Variants in DNMT1 observed in about 807,000 individuals in gnomAD.
DNMT1 encodes the protein DNA (cytosine-5)-methyltransferase 1.
DNMT1 carries 24 observed loss-of-function variants against 205.3 expected under a neutral mutation model. The observed-to-expected ratio is 0.12, with a 90% CI of 0.08 to 0.16. The LOEUF is 0.16. DNMT1 is among the 10% of genes least tolerant of loss of function. The pLI is 1.00. For synonymous variants in DNMT1, 817 were observed against 839.8 expected (o/e 0.97, Z 0.47); for missense variants, 1,293 against 2,177.7 (o/e 0.59, Z 8.09).
In DNMT1 at chr19:10,163,348, G is replaced by C; in HGVS notation, c.904C>G (p.His302Asp). ...EDGDEKDEKKHRSQPKDLAAK... is the reference protein window; with the variant it reads ...EDGDEKDEKKDRSQPKDLAAK... The stretch of plus-strand genomic sequence containing the variant: ...TACAGATCTTTGGGTTGACTTCTGT[G>C]CTTCTTCTCATCCTGACAGAAAAAT... Residue 302 changes from histidine to aspartate, a missense_variant, in exon 12 of 41, where the codon CAC becomes GAC. Around this residue, in one of 13 missense-constraint regions of DNMT1, gnomAD observed 394 missense variants for 451.6 expected, o/e 0.87. Transcript: ENST00000359526. 2.5e-6 allele frequency: 4 copies of C among 1,613,944 alleles called. No homozygotes were observed. The highest frequency in any genetic ancestry group is 3.4e-6 in the Non-Finnish European group (4 of 1,179,944).
chr19:10,181,980 A>G (rs1198391835), intron 2 of DNMT1, 61 bp downstream of exon 2: 22 of 1,459,316 alleles, frequency 1.5e-5, no homozygotes, highest in Non-Finnish European at 1.9e-5. Context: ...ATTTCTTTTT[A>G]TGAGCCACAA....
rs2089518343 is a variant in DNMT1 at position 10,137,731 on chromosome 19, T to C, written c.4293+101A>G. ...AGGACTCGGGAGGAGGAGCCTGGGA[T>C]CAGATTCCATGTCTCCCCTGAGTCT... On this transcript the variant is annotated intron_variant, in intron 36 of 40. Coordinates refer to ENST00000359526, the MANE Select transcript of DNMT1 (RefSeq NM_001130823.3). This position sits in a 1 kb window ranked among gnomAD's most constrained non-coding sequence, Gnocchi z 6.4. 1 of 1,470,108 alleles carries C rather than the reference T, an allele frequency of 6.8e-7. No individual in the cohort carries two copies. Among genetic ancestry groups the C allele is most frequent in the African/African-American group, 1.4e-5 (1 of 71,506 alleles). 91.1% of individuals were successfully genotyped at this position (1,470,108 alleles called of 1,614,324 possible). A position where few individuals can be genotyped will look rare whatever the true frequency, so the allele number is the denominator to read the frequency against.
rs766253182 is a variant in DNMT1, at chr19:10,135,717, C to T, written c.4773+19G>A. On this transcript the variant is annotated intron_variant, in intron 39 of 40. Coordinates refer to ENST00000359526, the MANE Select transcript of DNMT1 (RefSeq NM_001130823.3). ...AAGCCTCCTTCCTGTCCAGACCCAG[C>T]GGGCGCCGCCCCACTGACCTGCCGG... The T allele has an allele frequency of 6.2e-6, 10 of 1,602,366 alleles. No homozygotes were observed. The highest frequency in any genetic ancestry group is 5.6e-5 in the South Asian group (5 of 89,784).
chr19:10,177,417 A>C (rs371302588), intron 5 of DNMT1, 50 bp from the exon 6 acceptor site: 2 of 1,562,416 alleles, frequency 1.3e-6, no homozygotes, highest in African/African-American at 2.7e-5. Context: ...GCCACTATCA[A>C]TAGAAAGCCC....
chr19:10,141,324 G>A, intron 30 of DNMT1, 135 bp from the exon 31 acceptor site: 1 of 830,930 alleles, frequency 1.2e-6, no homozygotes, highest in Non-Finnish European at 2.0e-6. Context: ...CCACCAATAA[G>A]AGTAGTTTGA....
chr19:10,135,949 A>G (rs2089472019), intron 38 of DNMT1, 97 bp from the exon 39 acceptor site: 2 of 1,495,326 alleles, frequency 1.3e-6, no homozygotes, highest in Admixed American at 3.9e-5. Context: ...GCATACGGCC[A>G]TGGCCTTGGC....
At chr19:10,155,202 A>G (rs2038431493) in intron 19 of DNMT1, 146 bp from the exon 20 acceptor site, 2 of 1,129,750 alleles carry the variant, frequency 1.8e-6, no homozygotes, top group Admixed American at 2.2e-5. Flanking sequence ...GGCACAACAC[A>G]TCATAGCTGG....
intron 11 of DNMT1, 63 bp downstream of exon 11, chr19:10,166,535 C>T (rs900494581): frequency 6.2e-7 from 1 of 1,605,482 alleles, no homozygotes; most frequent in Non-Finnish European, 8.5e-7. Flanking sequence ...CTGCGCACTC[C>T]CGCCCAAGCA....
rs780223552 is a variant in DNMT1, at chr19:10,156,494, G to A, written c.1296C>T (p.His432=). 21 of 1,612,914 alleles carry A rather than the reference G, an allele frequency of 1.3e-5. No individual in the cohort carries two copies. Among genetic ancestry groups the A allele is most frequent in the African/African-American group, 1.2e-4 (9 of 74,874 alleles). The change falls in exon 18 of 41, where the codon CAC becomes CAT. Residue 432 remains histidine (H), a synonymous_variant. Transcript: ENST00000359526. The surrounding 1 kb of genome is among the most constrained non-coding windows in gnomAD (Gnocchi z 4.2). ...KLTCFSVYCK[H]GHLCPIDTGL... is the part of the protein sequence containing the mutation. ...CGGTGTCGATGGGACACAGGTGACCGTGCTTACAGTACACACTAGACAGGA... is the reference window on the plus strand; with the variant it reads ...CGGTGTCGATGGGACACAGGTGACCATGCTTACAGTACACACTAGACAGGA...
At position 10,145,223 on chromosome 19, in the gene DNMT1, C is replaced by G. The variant is rs148121719; in HGVS notation, c.2894+1128G>C. 7.2e-5 allele frequency among the ~76,000 whole-genome samples: 11 copies of G among 152,322 alleles called. No homozygotes were observed. In the East Asian group the frequency reaches 2.1e-3, roughly 29 times the overall value. On this transcript the variant is annotated intron_variant, in intron 28 of 40. Transcript: ENST00000359526. Reference sequence around the variant, plus strand: ...GTCACGTTCTCCCCACTAGGCCCCCCAGGAGTCTGACGGGCCCCAAAGGCG... The same window carrying G: ...GTCACGTTCTCCCCACTAGGCCCCCGAGGAGTCTGACGGGCCCCAAAGGCG...
intron 11 of DNMT1, among the ~76,000 whole-genome samples, chr19:10,165,101 A>G (rs1375485051): frequency 6.6e-6 from 1 of 151,740 alleles, no homozygotes; most frequent in East Asian, 1.9e-4. Flanking sequence ...CCCTATCTCT[A>G]CAAAAAATTA....
Position 10,151,450 on chromosome 19 carries a change from T to C in DNMT1, c.2213A>G (p.Lys738Arg). Reference sequence around the variant, plus strand: ...GCGATTCTTGTTCTGTTTCTTCTTCTTCCCCTGGTGCATTTTTTTGGGTGA... The same window carrying C: ...GCGATTCTTGTTCTGTTTCTTCTTCCTCCCCTGGTGCATTTTTTTGGGTGA... ...MPSPKKMHQG[K>R]KKKQNKNRIS... Residue 738 changes from lysine to arginine, a missense_variant, in exon 24 of 41, where the codon AAG becomes AGG. Around this residue, in one of 13 missense-constraint regions of DNMT1, gnomAD observed 197 missense variants for 353.6 expected, o/e 0.56. Transcript: ENST00000359526. The surrounding 1 kb of genome is among the most constrained non-coding windows in gnomAD (Gnocchi z 5.0). The C allele has an allele frequency of 6.2e-7, 1 of 1,614,158 alleles. No individual in the cohort carries two copies. The highest frequency in any genetic ancestry group is 8.5e-7 in the Non-Finnish European group (1 of 1,180,042).
At chr19:10,178,116 G>C (rs1202243332) in intron 5 of DNMT1, among the ~76,000 whole-genome samples, 3 of 151,748 alleles carry the variant, frequency 2.0e-5, no homozygotes, top group African/African-American at 7.3e-5. Flanking sequence ...AATTAGCTGG[G>C]CGTGGTGGCA....
intron 24 of DNMT1, among the ~76,000 whole-genome samples, chr19:10,150,221 G>A (rs996876422): frequency 6.6e-6 from 1 of 152,148 alleles, no homozygotes; most frequent in Non-Finnish European, 1.5e-5. Flanking sequence ...TCTGCCACTC[G>A]GGTCCCAGGA....
rs919365133 is a variant in DNMT1 at position 10,141,535 on chromosome 19, A to C, written c.3310-346T>G. ...GTATCGTTTTAAGGTAACAACACGG[A>C]AAGGCCAAGCCCCAACAATTTACAA... On this transcript the variant is annotated intron_variant, in intron 30 of 40. Transcript: ENST00000359526. 33 of 378,248 alleles carry C rather than the reference A, an allele frequency of 8.7e-5. No individual in the cohort carries two copies. The Middle Eastern group carries it at 2.6e-3, about 30-fold the overall frequency. 23.4% of individuals were successfully genotyped at this position (378,248 alleles called of 1,614,324 possible).
chr19:10,169,785 G>A (rs1005418868), intron 9 of DNMT1, among the ~76,000 whole-genome samples: 1 of 151,972 alleles, frequency 6.6e-6, no homozygotes, highest in Non-Finnish European at 1.5e-5. Context: ...TAAAAAAAAC[G>A]CTTAGCAAAT....
chr19:10,138,152 G>A lies in DNMT1; in HGVS notation c.4116-143C>T. ...AGGTCACATGGGTGGCAGTGTGCCT[G>A]GATGCCATCTGGAAGGGGGGATGGG... On this transcript the variant is annotated intron_variant, in intron 35 of 40. Coordinates refer to ENST00000359526, the MANE Select transcript of DNMT1 (RefSeq NM_001130823.3). The surrounding 1 kb of genome is among the most constrained non-coding windows in gnomAD (Gnocchi z 4.1). 1 of 1,160,148 alleles carries A rather than the reference G, an allele frequency of 8.6e-7. No individual in the cohort carries two copies. Among genetic ancestry groups the A allele is most frequent in the South Asian group, 1.4e-5 (1 of 73,900 alleles). The allele number at this position is 1,160,148 out of a possible 1,614,324, so 71.9% of individuals were successfully genotyped here.
Position 10,137,536 on chromosome 19 carries a change from G to C in DNMT1, c.4294-256C>G, listed in dbSNP as rs978111403. 12 of 635,776 alleles carry C rather than the reference G, an allele frequency of 1.9e-5. No homozygotes were observed. Among genetic ancestry groups the C allele is most frequent in the Admixed American group, 1.7e-4 (6 of 35,780 alleles). 39.4% of individuals were successfully genotyped at this position (635,776 alleles called of 1,614,324 possible). On this transcript the variant is annotated intron_variant, in intron 36 of 40. Coordinates refer to ENST00000359526, the MANE Select transcript of DNMT1 (RefSeq NM_001130823.3). The surrounding 1 kb of genome is among the most constrained non-coding windows in gnomAD (Gnocchi z 6.4). ...AAGGGGAGTGGTGCCAGGGGATGGT[G>C]AAAGGGCTGGTCTTGGCATCCTGGG...
chr19:10,138,129 G>A lies in DNMT1; in HGVS notation c.4116-120C>T. The A allele has an allele frequency of 7.8e-7, 1 of 1,283,118 alleles. No individual in the cohort carries two copies. Among genetic ancestry groups the A allele is most frequent in the Non-Finnish European group, 1.1e-6 (1 of 917,516 alleles). 79.5% of individuals were successfully genotyped at this position (1,283,118 alleles called of 1,614,324 possible). ...TCCCGAGATCACAGCACTGCCCGAG[G>A]TCACATGGGTGGCAGTGTGCCTGGA... On this transcript the variant is annotated intron_variant, in intron 35 of 40. Coordinates refer to ENST00000359526, the MANE Select transcript of DNMT1 (RefSeq NM_001130823.3). This position sits in a 1 kb window ranked among gnomAD's most constrained non-coding sequence, Gnocchi z 4.1.
Sources: allele counts gnomAD v4.1 joint callset (sites outside exome capture counted in the v4.1 genomes callset), GRCh38; gene constraint gnomAD v4.1.1; regional missense constraint gnomAD v4.1.1; non-coding constraint Gnocchi (gnomAD v3.1); transcripts MANE v1.5; gene names NCBI Gene and HGNC (gene_info 2026-07-23, HGNC 2026-07-21).